The following ANKFN1 variants were observed in gnomAD, a reference collection of about 807,000 sequenced individuals.
ANKFN1 encodes the protein ankyrin repeat and fibronectin type-III domain-containing protein 1.
A neutral mutation model predicts 108.7 loss-of-function variants in ANKFN1; 74 were observed. The observed-to-expected ratio is 0.68, with a 90% CI of 0.56 to 0.83. The LOEUF (loss-of-function observed/expected upper bound fraction) is 0.83, where lower values mean the gene tolerates loss of function less well. ANKFN1 is among the 40% of genes least tolerant of loss of function. The pLI is 0.00. For synonymous variants in ANKFN1, 547 were observed against 516.2 expected (o/e 1.06, Z -0.81); for missense variants, 1,505 against 1,382.3 (o/e 1.09, Z -1.41).
At chr17:56,105,711 C>CTGTGTGTGTG (rs147924842) in intron 4 of ANKFN1, among the ~76,000 whole-genome samples, 3,575 of 144,622 alleles carry the variant, frequency 0.025, 69 homozygotes, top group African/African-American at 0.045. Flanking sequence ...GTTTTTTTGT[C>CTGTGTGTGTG]TGTGTGTGTG....
At chr17:56,304,131 A>G (rs972441763) in intron 3 of ANKFN1, among the ~76,000 whole-genome samples, 2 of 152,056 alleles carry the variant, frequency 1.3e-5, no homozygotes, top group African/African-American at 4.8e-5. Context: ...TTAACTTGCC[A>G]TTTTATGATC....
In ANKFN1 at chr17:56,217,132, G is replaced by A. The variant is rs747060636; in HGVS notation, c.12+4453G>A. ...CAGTGAATAATTGAGGATTGAATAC[G>A]AAGCATCCCTGTCATTAAAGGACCT... On this transcript the variant is annotated intron_variant, in intron 2 of 20. Coordinates refer to ENST00000682825, the MANE Select transcript of ANKFN1 (RefSeq NM_001370326.1). Among the ~76,000 whole-genome samples the A allele has an allele frequency of 1.1e-4, 16 of 152,070 alleles. No homozygotes were observed. In the East Asian group the frequency reaches 1.2e-3, roughly 11 times the overall value.
intron 3 of ANKFN1, among the ~76,000 whole-genome samples, chr17:56,261,075 T>C (rs1317331973): frequency 6.6e-6 from 1 of 152,164 alleles, no homozygotes; most frequent in East Asian, 1.9e-4. Context: ...GGCACCTAAA[T>C]TAAAAAGCAG....
chr17:56,248,089 C>T (rs900241595), intron 3 of ANKFN1, among the ~76,000 whole-genome samples: 11 of 152,194 alleles, frequency 7.2e-5, no homozygotes, highest in Admixed American at 6.5e-5. Flanking sequence ...AAAGAAGTAA[C>T]ATTGCTGGAG....
At chr17:56,413,828 T>C (rs1246328439) in intron 8 of ANKFN1, among the ~76,000 whole-genome samples, 2 of 152,036 alleles carry the variant, frequency 1.3e-5, no homozygotes, top group Non-Finnish European at 2.9e-5. Context: ...CAAGCGATTC[T>C]CCTTCCTCAG....
chr17:56,063,054 C>T (rs1905002932), intron 4 of ANKFN1, among the ~76,000 whole-genome samples: 1 of 152,114 alleles, frequency 6.6e-6, no homozygotes, highest in Admixed American at 6.5e-5. Flanking sequence ...AATATTGTCC[C>T]CCAATCTCTT....
At chr17:56,403,555 G>T (rs571919056) in intron 8 of ANKFN1, among the ~76,000 whole-genome samples, 10 of 152,162 alleles carry the variant, frequency 6.6e-5, no homozygotes, top group African/African-American at 1.7e-4. Flanking sequence ...TATGTGTTAG[G>T]TGAGTCTCCT....
Position 56,514,691 on chromosome 17 carries a change from T to C in ANKFN1, c.*3422T>C, listed in dbSNP as rs975918915. 6.6e-6 allele frequency among the ~76,000 whole-genome samples: 1 copy of C among 152,198 alleles called. No individual in the cohort carries two copies. Among genetic ancestry groups the C allele is most frequent in the Non-Finnish European group, 1.5e-5 (1 of 68,036 alleles). ...CAATAATTACACTGGAGAAATTGTT[T>C]CATTTGGTTTGAAAATTGAAGCAAG... On this transcript the variant is annotated 3_prime_UTR_variant, in exon 21 of 21. Coordinates refer to ENST00000682825, the MANE Select transcript of ANKFN1 (RefSeq NM_001370326.1).
intron 4 of ANKFN1, among the ~76,000 whole-genome samples, chr17:56,047,952 G>A (rs1404039704): frequency 6.6e-6 from 1 of 152,138 alleles, no homozygotes; most frequent in Non-Finnish European, 1.5e-5. Flanking sequence ...TTGCAGAAAC[G>A]TTACAGTGTT....
intron 1 of ANKFN1, among the ~76,000 whole-genome samples, chr17:56,161,869 G>A (rs1909688656): frequency 6.6e-6 from 1 of 152,166 alleles, no homozygotes. Flanking sequence ...GAAGATTTGG[G>A]ACAGTTCTCA....
chr17:56,094,490 T>C (rs1478950367), intron 4 of ANKFN1, among the ~76,000 whole-genome samples: 2 of 128,818 alleles, frequency 1.6e-5, no homozygotes, highest in African/African-American at 6.8e-5. Context: ...TTTTTTTTTT[T>C]TTTTTTTTGA....
intron 4 of ANKFN1, among the ~76,000 whole-genome samples, chr17:56,125,255 G>T (rs1423099295): frequency 6.6e-6 from 1 of 152,158 alleles, no homozygotes; most frequent in East Asian, 1.9e-4. Flanking sequence ...CTCCAAATCT[G>T]GTTGGTCCTC....
At chr17:56,132,421 C>CT in intron 4 of ANKFN1, among the ~76,000 whole-genome samples, 3 of 152,230 alleles carry the variant, frequency 2.0e-5, no homozygotes, top group Admixed American at 2.0e-4. Flanking sequence ...GAAGGCCCCA[C>CT]TGTAATAAGT....
At chr17:56,318,911 T>G (rs2144495235) in intron 3 of ANKFN1, among the ~76,000 whole-genome samples, 1 of 152,352 alleles carries the variant, frequency 6.6e-6, no homozygotes, top group African/African-American at 2.4e-5. Context: ...TTTCAGGTTA[T>G]TCTTTTATCT....
intron 4 of ANKFN1, among the ~76,000 whole-genome samples, chr17:56,093,252 C>G (rs915394700): frequency 6.6e-6 from 1 of 150,916 alleles, no homozygotes; most frequent in African/African-American, 2.4e-5. Context: ...TTATTAATTT[C>G]CTTCTAGCAC....
intron 18 of ANKFN1, 60 bp downstream of exon 18, chr17:56,482,584 A>AGTT (rs2050746207): frequency 3.8e-6 from 6 of 1,562,660 alleles, no homozygotes; most frequent in Non-Finnish European, 5.2e-6. Flanking sequence ...AAAATCACAA[A>AGTT]GTTATATCTG....
intron 1 of ANKFN1, among the ~76,000 whole-genome samples, chr17:56,172,523 C>G (rs1910773951): frequency 6.6e-6 from 1 of 152,016 alleles, no homozygotes; most frequent in Non-Finnish European, 1.5e-5. Context: ...ATACAAAAGG[C>G]AGGGCCATGA....
At chr17:56,066,837 T>C (rs967428569) in intron 4 of ANKFN1, among the ~76,000 whole-genome samples, 4 of 152,226 alleles carry the variant, frequency 2.6e-5, no homozygotes, top group African/African-American at 9.6e-5. Flanking sequence ...TTTTTGTAAT[T>C]GACTTATTTC....
intron 4 of ANKFN1, among the ~76,000 whole-genome samples, chr17:56,070,827 C>A (rs751274237): frequency 6.6e-6 from 1 of 151,866 alleles, no homozygotes; most frequent in Non-Finnish European, 1.5e-5. Flanking sequence ...CTCCACCTCC[C>A]GTGTTCAAGC....
Sources: gnomAD v4.1 joint callset for allele counts (sites outside exome capture counted in the v4.1 genomes callset) on GRCh38, gnomAD v4.1.1 for gene constraint, MANE v1.5 for transcripts, NCBI Gene and HGNC (gene_info 2026-07-23, HGNC 2026-07-21) for gene names.